The following DLGAP1 variants were observed in gnomAD, a reference collection of about 807,000 sequenced individuals.
The protein encoded by DLGAP1 is DLG associated protein 1.
DLGAP1 carries 11 observed loss-of-function variants against 90.8 expected under a neutral mutation model. The ratio of observed to expected loss-of-function variants is 0.12; its 90% CI spans 0.08 to 0.20. The LOEUF is 0.20. DLGAP1 is among the 10% of genes least tolerant of loss of function. DLGAP1 has a pLI of 1.00. For synonymous variants in DLGAP1, 558 were observed against 540.7 expected (o/e 1.03, Z -0.44); for missense variants, 1,050 against 1,333.8 (o/e 0.79, Z 3.31).
intron 5 of DLGAP1, among the ~76,000 whole-genome samples, chr18:3,764,485 A>G (rs908817954): frequency 1.3e-5 from 2 of 152,174 alleles, no homozygotes; most frequent in African/African-American, 2.4e-5. Context: ...ACTGTTTCCA[A>G]TGCTATCCTA....
intron 7 of DLGAP1, among the ~76,000 whole-genome samples, chr18:3,613,539 G>C (rs2057724854): frequency 6.6e-6 from 1 of 151,862 alleles, no homozygotes; most frequent in Admixed American, 6.6e-5. Flanking sequence ...GGGTCTCCCT[G>C]TGTTGCCCAG....
chr18:4,237,404 T>C (rs1356639882), intron 1 of DLGAP1, among the ~76,000 whole-genome samples: 1 of 152,014 alleles, frequency 6.6e-6, no homozygotes, highest in Non-Finnish European at 1.5e-5. Context: ...AAGCCTCCTT[T>C]TGTTAGGATT....
intron 9 of DLGAP1, among the ~76,000 whole-genome samples, chr18:3,549,909 T>A (rs1463665732): frequency 6.6e-6 from 1 of 151,814 alleles, no homozygotes; most frequent in African/African-American, 2.4e-5. Context: ...ATTAATTTAT[T>A]TATTATTTAT....
chr18:3,752,286 T>A (rs2063530560), intron 5 of DLGAP1, among the ~76,000 whole-genome samples: 1 of 152,156 alleles, frequency 6.6e-6, no homozygotes, highest in East Asian at 1.9e-4. Context: ...AATTATGTAA[T>A]CATAATTACT....
chr18:3,618,894 G>A (rs1018124615), intron 7 of DLGAP1, among the ~76,000 whole-genome samples: 21 of 150,728 alleles, frequency 1.4e-4, no homozygotes, highest in East Asian at 4.0e-4. Flanking sequence ...AGCCGAGATC[G>A]TGTCACTGCA....
intron 1 of DLGAP1, among the ~76,000 whole-genome samples, chr18:4,323,134 T>G (rs1353727322): frequency 6.6e-6 from 1 of 151,928 alleles, no homozygotes; most frequent in Non-Finnish European, 1.5e-5. Context: ...AGCAAAGGAT[T>G]TGAAGGGACA....
chr18:3,505,700 A>G (rs1356588215), intron 11 of DLGAP1, among the ~76,000 whole-genome samples: 2 of 150,722 alleles, frequency 1.3e-5, no homozygotes, highest in African/African-American at 2.4e-5. Flanking sequence ...GCATGTAACC[A>G]GCCCAGAAAT....
At chr18:3,934,170 T>C (rs2072583486) in intron 3 of DLGAP1, among the ~76,000 whole-genome samples, 1 of 152,214 alleles carries the variant, frequency 6.6e-6, no homozygotes, top group African/African-American at 2.4e-5. Context: ...CCTTTTCCCT[T>C]AAAGCCTTCT....
At chr18:3,560,695 T>C (rs1379944759) in intron 9 of DLGAP1, among the ~76,000 whole-genome samples, 10 of 151,132 alleles carry the variant, frequency 6.6e-5, no homozygotes, top group African/African-American at 2.2e-4. Context: ...ATTATTTATC[T>C]AGTCGGATTA....
intron 2 of DLGAP1, among the ~76,000 whole-genome samples, chr18:4,112,361 T>C (rs7229069): frequency 0.49 from 74,449 of 151,954 alleles, 19,281 homozygotes; most frequent in African/African-American, 0.67. Flanking sequence ...TTGGAAAATG[T>C]TTCATGTGTA....
intron 3 of DLGAP1, among the ~76,000 whole-genome samples, chr18:3,906,118 G>T (rs932966433): frequency 6.6e-6 from 1 of 152,182 alleles, no homozygotes; most frequent in African/African-American, 2.4e-5. Flanking sequence ...TCTTGGGTAA[G>T]TGTGGATAAC....
intron 6 of DLGAP1, among the ~76,000 whole-genome samples, chr18:3,741,431 T>A (rs912004586): frequency 1.3e-5 from 2 of 149,946 alleles, no homozygotes; most frequent in Non-Finnish European, 3.0e-5. Context: ...GTCACCACCA[T>A]CACCATCATC....
chr18:3,800,591 A>G (rs1202321075), intron 5 of DLGAP1, among the ~76,000 whole-genome samples: 1 of 152,220 alleles, frequency 6.6e-6, no homozygotes, highest in Non-Finnish European at 1.5e-5. Flanking sequence ...TGCTTAGAAC[A>G]TTTCTGAAAA....
intron 7 of DLGAP1, among the ~76,000 whole-genome samples, chr18:3,601,837 T>TC (rs958400697): frequency 2.7e-5 from 1 of 36,692 alleles, no homozygotes; most frequent in African/African-American, 1.7e-4. Context: ...AGAGCGAGAC[T>TC]CCATCTCGGA....
At chr18:4,341,909 G>A (rs1464076044) in intron 1 of DLGAP1, among the ~76,000 whole-genome samples, 1 of 151,896 alleles carries the variant, frequency 6.6e-6, no homozygotes, top group Admixed American at 6.6e-5. Flanking sequence ...GAATTAAACT[G>A]ATATCTCTCT....
At chr18:4,161,807 C>G (rs2076850513) in intron 1 of DLGAP1, among the ~76,000 whole-genome samples, 1 of 152,124 alleles carries the variant, frequency 6.6e-6, no homozygotes, top group African/African-American at 2.4e-5. Context: ...AATTACGTAC[C>G]TTTAAAGGTT....
At chr18:4,145,168 T>C (rs1198710555) in intron 2 of DLGAP1, among the ~76,000 whole-genome samples, 1 of 152,172 alleles carries the variant, frequency 6.6e-6, no homozygotes, top group Non-Finnish European at 1.5e-5. Context: ...CTATATCTCA[T>C]AAGGTTTGAG....
At chr18:4,236,873 T>C (rs953898460) in intron 1 of DLGAP1, among the ~76,000 whole-genome samples, 1 of 152,190 alleles carries the variant, frequency 6.6e-6, no homozygotes, top group African/African-American at 2.4e-5. Flanking sequence ...TTAGCAAACA[T>C]TTATTGAGCA....
chr18:4,070,708 G>A (rs1339165037), intron 2 of DLGAP1, among the ~76,000 whole-genome samples: 1 of 151,812 alleles, frequency 6.6e-6, no homozygotes, highest in African/African-American at 2.4e-5. Context: ...ATTTCCATAT[G>A]GATAAAAAGG....
Sources: allele counts gnomAD v4.1 joint callset (sites outside exome capture counted in the v4.1 genomes callset), GRCh38; gene constraint gnomAD v4.1.1; transcripts MANE v1.5; gene names NCBI Gene and HGNC (gene_info 2026-07-23, HGNC 2026-07-21).